Variants in ATRIP observed in about 807,000 individuals in gnomAD.
ATRIP encodes the protein ATR-interacting protein.
In ATRIP, 44 loss-of-function variants were observed where a neutral mutation model predicts 78.1. The observed-to-expected ratio is 0.56, with a 90% CI of 0.44 to 0.72. The LOEUF is 0.72. ATRIP is among the 30% of genes least tolerant of loss of function. The pLI is 0.00. For synonymous variants in ATRIP, 388 were observed against 408.9 expected, an observed-to-expected ratio of 0.95 and a Z score of 0.62; for missense variants, 927 against 980.2, an observed-to-expected ratio of 0.95 and a Z score of 0.72.
intron 3 of ATRIP, among the ~76,000 whole-genome samples, 182 bp from the exon 4 acceptor site, chr3:48,454,116 TTA>T (rs1366065626): frequency 6.6e-6 from 1 of 152,160 alleles, no homozygotes; most frequent in African/African-American, 2.4e-5. Context: ...CAGTATCTTT[TTA>T]GAGTACCATA....
At chr3:48,464,515 T>A in intron 10 of ATRIP, 67 bp from the exon 11 acceptor site, 1 of 1,525,570 alleles carries the variant, frequency 6.6e-7, no homozygotes, top group Non-Finnish European at 9.1e-7. Context: ...TTATAGAAGC[T>A]TAAGAAAACC....
intron 3 of ATRIP, 25 bp downstream of exon 3, chr3:48,451,924 C>T (rs766688944): frequency 4.5e-6 from 7 of 1,568,152 alleles, no homozygotes; most frequent in Non-Finnish European, 6.1e-6. Flanking sequence ...TTGTTTTGCA[C>T]CAGCTTTGCC....
In ATRIP at chr3:48,465,656, C is replaced by T. The variant is rs2040264874; in HGVS notation, c.*102C>T. The stretch of plus-strand genomic sequence containing the variant: ...CAGCAGGAACTGCCCAGAGAACTGG[C>T]TGGCCTTGTTTCCTGAGTCTGATCT... On this transcript the variant is annotated 3_prime_UTR_variant, in exon 13 of 13. Transcript: ENST00000320211. The T allele has an allele frequency of 8.0e-7, 1 of 1,255,614 alleles. No individual in the cohort carries two copies. 77.8% of individuals were successfully genotyped at this position (1,255,614 alleles called of 1,614,324 possible). A position where few individuals can be genotyped will look rare whatever the true frequency, so the allele number is the denominator to read the frequency against.
intron 11 of ATRIP, 57 bp downstream of exon 11, chr3:48,464,719 G>C (rs751505025): frequency 2.7e-4 from 436 of 1,612,980 alleles, no homozygotes; most frequent in Non-Finnish European, 3.0e-4. Flanking sequence ...CCCCGTGCAA[G>C]GACTGTAGGC....
rs768962835 is a variant in ATRIP, at chr3:48,466,833, C to T, written c.*1279C>T. 6.2e-7 allele frequency: 1 copy of T among 1,614,028 alleles called. No individual in the cohort carries two copies. Among genetic ancestry groups the T allele is most frequent in the Admixed American group, 1.7e-5 (1 of 60,034 alleles). ...GGGGCCACCTCCCACAGTTCCTCCA[C>T]CACCGCGTGTGGTAGACAAGCTCTC... On this transcript the variant is annotated 3_prime_UTR_variant, in exon 13 of 13. Transcript: ENST00000320211.
chr3:48,454,902 AC>A (rs2039917920), intron 4 of ATRIP, among the ~76,000 whole-genome samples: 1 of 149,844 alleles, frequency 6.7e-6, no homozygotes, highest in African/African-American at 2.5e-5. Flanking sequence ...TCGCTCTGTC[AC>A]CCAGGCTGGA....
chr3:48,447,266 G>T, intron 1 of ATRIP, 174 bp downstream of exon 1: 1 of 1,266,512 alleles, frequency 7.9e-7, no homozygotes, highest in South Asian at 2.9e-5. Context: ...GATTTTAGGG[G>T]GAAATGCATT....
chr3:48,466,570 T>A lies in ATRIP; in HGVS notation c.*1016T>A, dbSNP rs2107253505. The A allele has an allele frequency of 1.9e-6, 3 of 1,592,834 alleles. No homozygotes were observed. Among genetic ancestry groups the A allele is most frequent in the Non-Finnish European group, 2.6e-6 (3 of 1,166,638 alleles). On this transcript the variant is annotated 3_prime_UTR_variant, in exon 13 of 13. Coordinates refer to ENST00000320211, the MANE Select transcript of ATRIP (RefSeq NM_130384.3). ...TGCTTCTGCCCACCCCCTACCCCAC[T>A]CCCTCCCCTTCGGATCTTAACACTG...
intron 12 of ATRIP, among the ~76,000 whole-genome samples, 166 bp downstream of exon 12, chr3:48,465,249 A>G (rs529587012): frequency 8.5e-5 from 13 of 152,276 alleles, no homozygotes; most frequent in African/African-American, 2.6e-4. Context: ...TTCTCCAAGC[A>G]TATTGGGATG....
In ATRIP at chr3:48,464,910, A is replaced by G; in HGVS notation, c.2135A>G (p.Gln712Arg). 1 of 1,614,154 alleles carries G rather than the reference A, an allele frequency of 6.2e-7. No individual in the cohort carries two copies. Among genetic ancestry groups the G allele is most frequent in the Non-Finnish European group, 8.5e-7 (1 of 1,180,028 alleles). The change falls in exon 12 of 13, where the codon CAG becomes CGG. Residue 712 changes from glutamine to arginine, a missense_variant. Coordinates refer to ENST00000320211, the MANE Select transcript of ATRIP (RefSeq NM_130384.3). The stretch of plus-strand genomic sequence containing the variant: ...GCAGGGGGACCCCCAAGGACCGACC[A>G]GCAGAGGCGGACAGTGCGCTGTCTG... ...RRAGGPPRTD[Q>R]QRRTVRCLRD... is the part of the protein sequence containing the mutation.
Position 48,460,432 on chromosome 3 carries a change from G to A in ATRIP, c.1378G>A (p.Val460Ile), listed in dbSNP as rs555684267. ...ACATTCCTCCTGCGTGAGCTCTGGG[G>A]TAGAGACCAACCCTGAGGACTCAGT... Reference protein sequence around the residue: ...PTHSSCVSSGVETNPEDSVCI... With the variant: ...PTHSSCVSSGIETNPEDSVCI... The change falls in exon 8 of 13, where the codon GTA becomes ATA. Residue 460 changes from valine to isoleucine, a missense_variant. Transcript: ENST00000320211. The A allele has an allele frequency of 1.3e-5, 21 of 1,612,518 alleles. No homozygotes were observed. Among genetic ancestry groups the A allele is most frequent in the Admixed American group, 6.7e-5 (4 of 59,824 alleles).
chr3:48,465,405 A>G (rs1305810988), intron 12 of ATRIP, 82 bp from the exon 13 acceptor site: 6 of 1,396,742 alleles, frequency 4.3e-6, no homozygotes, highest in Non-Finnish European at 5.0e-6. Flanking sequence ...GTTCCTGCGG[A>G]CGTTGGGGGA....
intron 1 of ATRIP, chr3:48,447,654 T>C: frequency 1.7e-6 from 1 of 583,028 alleles, no homozygotes; most frequent in Non-Finnish European, 2.2e-6. Flanking sequence ...TACATTCTAG[T>C]TGAGGAGTGA....
intron 5 of ATRIP, among the ~76,000 whole-genome samples, chr3:48,458,019 C>A (rs1449306255): frequency 6.6e-6 from 1 of 151,794 alleles, no homozygotes; most frequent in Non-Finnish European, 1.5e-5. Flanking sequence ...TGCTATCCCT[C>A]CCCCCTCCTC....
intron 5 of ATRIP, 112 bp downstream of exon 5, chr3:48,457,528 CAG>C (rs761345617): frequency 1.9e-5 from 16 of 860,878 alleles, no homozygotes; most frequent in Non-Finnish European, 2.6e-5. Context: ...TGACAAGGCA[CAG>C]AGGGGACAAT....
rs757852591 is a variant in ATRIP, at chr3:48,446,821, C to G, written c.-25C>G. ...GCAGGCAAGTCTAGCTCGGCGCTGT[C>G]GGATACTTGGGGTGAGCGGAAAGCA... On this transcript the variant is annotated 5_prime_UTR_variant, in exon 1 of 13. Coordinates refer to ENST00000320211, the MANE Select transcript of ATRIP (RefSeq NM_130384.3). The G allele has an allele frequency of 3.0e-5, 42 of 1,386,008 alleles. No homozygotes were observed. The highest frequency in any genetic ancestry group is 3.4e-5 in the Non-Finnish European group (36 of 1,069,142). The allele number at this position is 1,386,008 out of a possible 1,614,324, so 85.9% of individuals were successfully genotyped here.
In ATRIP at chr3:48,467,437, G is replaced by C; in HGVS notation, c.*1883G>C. The C allele has an allele frequency of 1.9e-6, 3 of 1,614,166 alleles. No individual in the cohort carries two copies. Among genetic ancestry groups the C allele is most frequent in the Non-Finnish European group, 1.7e-6 (2 of 1,180,010 alleles). On this transcript the variant is annotated 3_prime_UTR_variant, in exon 13 of 13. Coordinates refer to ENST00000320211, the MANE Select transcript of ATRIP (RefSeq NM_130384.3). ...CACCTGGCCACAACCAGGAACACTA[G>C]TCCCAGCCTTGGAGAGAGCAGGGGT...
chr3:48,451,718 G>C lies in ATRIP; in HGVS notation c.382-11G>C. ...TACAAAGTTTTCACGAGATTAATTT[G>C]GGATTTACAGATGAAAGTAATGGAA... On this transcript the variant is annotated splice_polypyrimidine_tract_variant and intron_variant, in intron 2 of 12. Transcript: ENST00000320211. The C allele has an allele frequency of 6.4e-7, 1 of 1,572,182 alleles. No individual in the cohort carries two copies. Among genetic ancestry groups the C allele is most frequent in the Non-Finnish European group, 8.6e-7 (1 of 1,157,096 alleles).
intron 5 of ATRIP, among the ~76,000 whole-genome samples, 159 bp downstream of exon 5, chr3:48,457,575 T>C (rs1317766974): frequency 6.6e-6 from 1 of 152,260 alleles, no homozygotes; most frequent in Admixed American, 6.5e-5. Context: ...AAGCTTGTCT[T>C]AAGCTGGAGG....
Sources: allele counts gnomAD v4.1 joint callset (sites outside exome capture counted in the v4.1 genomes callset), GRCh38; gene constraint gnomAD v4.1.1; transcripts MANE v1.5; gene names NCBI Gene and HGNC (gene_info 2026-07-23, HGNC 2026-07-21).